TRMT13: variants seen among roughly 807,000 people sequenced by gnomAD.
TRMT13 encodes tRNA:m(4)X modification enzyme TRM13 homolog.
In TRMT13, 45 loss-of-function variants were observed where a neutral mutation model predicts 55.9. The ratio of observed to expected loss-of-function variants is 0.80; its 90% confidence interval spans 0.63 to 1.03. The LOEUF is 1.03. Among genes scored for constraint, TRMT13 ranks in the 50% least tolerant of loss-of-function variants. The pLI, the probability that TRMT13 is intolerant of heterozygous loss-of-function variation, is 0.00. For missense variants in TRMT13, 513 were observed against 563.9 expected, an observed-to-expected ratio of 0.91 and a Z score of 0.91; for synonymous variants, 183 against 196.3, an observed-to-expected ratio of 0.93 and a Z score of 0.57.
intron 4 of TRMT13, 53 bp downstream of exon 4, chr1:100,139,764 CATG>C (rs1656363134): frequency 8.8e-7 from 1 of 1,140,324 alleles, no homozygotes; most frequent in Non-Finnish European, 1.3e-6. Flanking sequence ...AAGCTCTCTT[CATG>C]ATGTGAATAA....
rs1229638018 is a variant in TRMT13 at position 100,140,251 on chromosome 1, G to A, written c.394G>A (p.Gly132Ser). ...LIKKLRKASE[G>S]LNSTLKDHIM... ...TAAGAAATTGAGAAAAGCAAGTGAA[G>A]GTAAGACTGCCTAAAGTTGCAAGTT... The change falls in exon 5 of 11, where the codon GGC becomes AGC. Residue 132 changes from glycine to serine, a missense_variant and splice_region_variant. Physicochemically the swap from Gly to Ser is moderately conservative, Grantham distance 56. This residue lies in a region of TRMT13 where 298 missense variants were observed against 290.3 expected (regional missense o/e 1.03). Coordinates refer to ENST00000370141, the MANE Select transcript of TRMT13 (RefSeq NM_019083.3). 2.5e-6 allele frequency: 4 copies of A among 1,612,324 alleles called. No homozygotes were observed. Among genetic ancestry groups the A allele is most frequent in the Middle Eastern group, 1.7e-4 (1 of 6,024 alleles).
intron 3 of TRMT13, among the ~76,000 whole-genome samples, chr1:100,137,800 C>T (rs895256167): frequency 1.3e-5 from 2 of 152,340 alleles, no homozygotes; most frequent in Admixed American, 6.5e-5. Flanking sequence ...TTCCAAATGC[C>T]TCCCAGTTGA....
chr1:100,150,334 AAGTT>A lies in TRMT13; in HGVS notation c.*1520_*1523del, dbSNP rs1657859991. The A allele has an allele frequency of 6.6e-6, 1 of 152,172 alleles. No individual in the cohort carries two copies. Among genetic ancestry groups the A allele is most frequent in the Non-Finnish European group, 1.5e-5 (1 of 68,020 alleles). 9.4% of individuals were successfully genotyped at this position (152,172 alleles called of 1,614,324 possible). ...TTATGTCAAGTAAGGTAGTTTGTTT[AAGTT>A]AGTTACCCATGTCCCCAATCAAGGG... On this transcript the variant is annotated 3_prime_UTR_variant, in exon 11 of 11. Transcript: ENST00000370141.
Position 100,148,153 on chromosome 1 carries a change from G to A in TRMT13, c.1077G>A (p.Val359=), listed in dbSNP as rs767890777. The change falls in exon 10 of 11, where the codon GTG becomes GTA. Residue 359 remains valine, a synonymous_variant. Coordinates refer to ENST00000370141, the MANE Select transcript of TRMT13 (RefSeq NM_019083.3). ...TCAGGGCTCTAGGCCTTGGAGCAGTGGAATTCCATTATTTCCAGCGAATGA... is the reference window on the plus strand; with the variant it reads ...TCAGGGCTCTAGGCCTTGGAGCAGTAGAATTCCATTATTTCCAGCGAATGA... ...EYFRALGLGA[V]EFHYFQRMSS... 3.1e-6 allele frequency: 5 copies of A among 1,614,160 alleles called. No homozygotes were observed. The South Asian group carries it at 4.4e-5, about 14-fold the overall frequency.
rs1020643666 is a variant in TRMT13 at position 100,140,195 on chromosome 1, C to T, written c.338C>T (p.Ser113Phe). The T allele has an allele frequency of 6.2e-7, 1 of 1,610,114 alleles. No homozygotes were observed. Among genetic ancestry groups the T allele is most frequent in the Non-Finnish European group, 8.5e-7 (1 of 1,178,034 alleles). Reference sequence around the variant, plus strand: ...TTTTGTATATAGGTTCCAATTTCTTCTCTATCTGAAGAGCAGTTGGAAAAG... The same window carrying T: ...TTTTGTATATAGGTTCCAATTTCTTTTCTATCTGAAGAGCAGTTGGAAAAG... ...EIPEQLVPIS[S>F]LSEEQLEKLI... The change falls in exon 5 of 11, where the codon TCT becomes TTT. Residue 113 changes from serine to phenylalanine, a missense_variant. Ser to Phe is a radical substitution (Grantham distance 155). This residue lies in a region of TRMT13 where 298 missense variants were observed against 290.3 expected (regional missense o/e 1.03). Transcript: ENST00000370141.
In TRMT13 at chr1:100,148,611, T is replaced by A; in HGVS notation, c.1251-14T>A. On this transcript the variant is annotated splice_polypyrimidine_tract_variant and intron_variant, in intron 10 of 10. Transcript: ENST00000370141. ...AAATTTTAACAATGTTTTGTGTGTG[T>A]TTATTCAATTTAGGCTTCTTAGTGT... The A allele has an allele frequency of 8.8e-6, 14 of 1,590,162 alleles. No individual in the cohort carries two copies. Among genetic ancestry groups the A allele is most frequent in the Non-Finnish European group, 1.1e-5 (13 of 1,173,210 alleles).
intron 7 of TRMT13, among the ~76,000 whole-genome samples, chr1:100,142,730 G>C (rs1194453361): frequency 6.6e-6 from 1 of 152,200 alleles, no homozygotes; most frequent in Non-Finnish European, 1.5e-5. Flanking sequence ...CACAAATGTA[G>C]ATCAGCCGGT....
At chr1:100,137,183 C>T in intron 3 of TRMT13, 98 bp downstream of exon 3, 2 of 1,033,574 alleles carry the variant, frequency 1.9e-6, no homozygotes, top group South Asian at 3.0e-5. Flanking sequence ...GCTGAGGAAC[C>T]CAAGCTCAGG....
intron 9 of TRMT13, 127 bp downstream of exon 9, chr1:100,144,270 A>C (rs1406671126): frequency 3.0e-6 from 2 of 672,698 alleles, no homozygotes; most frequent in Non-Finnish European, 5.1e-6. Context: ...TTTATAGAGC[A>C]CTGGCCCTGT....
intron 2 of TRMT13, 29 bp from the exon 3 acceptor site, chr1:100,136,990 A>G (rs940191126): frequency 6.2e-6 from 10 of 1,602,380 alleles, no homozygotes; most frequent in Non-Finnish European, 8.5e-6. Flanking sequence ...CACAAGTCTC[A>G]TTTGAAATAA....
At chr1:100,135,189 A>G (rs1047137348) in intron 1 of TRMT13, among the ~76,000 whole-genome samples, 3 of 152,202 alleles carry the variant, frequency 2.0e-5, no homozygotes, top group African/African-American at 7.2e-5. Flanking sequence ...CCAAAACGTC[A>G]ATAGTGCCAA....
intron 9 of TRMT13, among the ~76,000 whole-genome samples, chr1:100,147,027 T>C (rs1315194113): frequency 1.3e-5 from 2 of 152,182 alleles, no homozygotes; most frequent in African/African-American, 4.8e-5. Context: ...ATTTGTGATA[T>C]CTTAGGGTAA....
In TRMT13 at chr1:100,136,907, T is replaced by G. The variant is rs1221477052; in HGVS notation, c.173T>G (p.Leu58Arg). ...AEEEDARKRILCPLDPKHTVY... is the reference protein window; with the variant it reads ...AEEEDARKRIRCPLDPKHTVY... Reference sequence around the variant, plus strand: ...GAAGAAGATGCTCGGAAAAGAATCCTGTGTCCTTTAGATCCAAAACAGTAA... The same window carrying G: ...GAAGAAGATGCTCGGAAAAGAATCCGGTGTCCTTTAGATCCAAAACAGTAA... The change falls in exon 2 of 11, where the codon CTG (leucine) becomes CGG (arginine). Residue 58 changes from leucine (L) to arginine (R), a missense_variant. Transcript: ENST00000370141. The G allele has an allele frequency of 3.7e-6, 6 of 1,602,018 alleles. No homozygotes were observed. In the East Asian group the frequency reaches 1.3e-4, roughly 36 times the overall value.
chr1:100,144,218 G>T, intron 9 of TRMT13, 75 bp downstream of exon 9: 4 of 1,040,850 alleles, frequency 3.8e-6, no homozygotes, highest in Non-Finnish European at 6.0e-6. Context: ...CATTTCAGTG[G>T]TCTCTTTTGA....
At chr1:100,134,110 G>GACTTACAGTTTT (rs1488538009) in intron 1 of TRMT13, among the ~76,000 whole-genome samples, 1 of 152,094 alleles carries the variant, frequency 6.6e-6, no homozygotes, top group African/African-American at 2.4e-5. Flanking sequence ...CAGTTTTTAA[G>GACTTACAGTTTT]AATGCAACTT....
chr1:100,141,022 A>G lies in TRMT13; in HGVS notation c.669+3A>G. ...AAAAGGTGACCACAAGATTCAAGGT[A>G]AGTGAAACCATTGCTCTGTGTTAGT... On this transcript the variant is annotated splice_donor_region_variant and intron_variant, in intron 7 of 10. Coordinates refer to ENST00000370141, the MANE Select transcript of TRMT13 (RefSeq NM_019083.3). 1.9e-6 allele frequency: 3 copies of G among 1,609,612 alleles called. No individual in the cohort carries two copies. The highest frequency in any genetic ancestry group is 2.2e-5 in the South Asian group (2 of 90,482).
intron 1 of TRMT13, among the ~76,000 whole-genome samples, chr1:100,134,870 G>A (rs1202075884): frequency 6.6e-6 from 1 of 152,178 alleles, no homozygotes; most frequent in East Asian, 1.9e-4. Flanking sequence ...CACTTTTATT[G>A]ACTACTATCT....
chr1:100,150,114 A>G lies in TRMT13; in HGVS notation c.*1294A>G, dbSNP rs369741013. ...GATGATGATGATAACAATAATACCT[A>G]CCTCACAAGGTTGTTGTGAGCATCA... On this transcript the variant is annotated 3_prime_UTR_variant, in exon 11 of 11. Transcript: ENST00000370141. 30 of 152,446 alleles carry G rather than the reference A, an allele frequency of 2.0e-4. No individual in the cohort carries two copies. Among genetic ancestry groups the G allele is most frequent in the African/African-American group, 7.0e-4 (29 of 41,552 alleles). The allele number at this position is 152,446 out of a possible 1,614,324, so 9.4% of individuals were successfully genotyped here.
chr1:100,137,070 A>G lies in TRMT13; in HGVS notation c.246A>G (p.Arg82=), dbSNP rs147006400. 5 of 1,612,432 alleles carry G rather than the reference A, an allele frequency of 3.1e-6. No individual in the cohort carries two copies. The highest frequency in any genetic ancestry group is 4.2e-6 in the Non-Finnish European group (5 of 1,179,756). The change falls in exon 3 of 11, where the codon AGA becomes AGG. Residue 82 remains arginine, a synonymous_variant. Coordinates refer to ENST00000370141, the MANE Select transcript of TRMT13 (RefSeq NM_019083.3). ...AGCATTTGAAAAAATGTAACTCAAGAGAGAAACCAAAACCTGTAAGTGTTT... is the reference window on the plus strand; with the variant it reads ...AGCATTTGAAAAAATGTAACTCAAGGGAGAAACCAAAACCTGTAAGTGTTT... ...LAKHLKKCNS[R]EKPKPDFYIQ...
Sources: gnomAD v4.1 joint callset for allele counts (sites outside exome capture counted in the v4.1 genomes callset) on GRCh38, gnomAD v4.1.1 for gene constraint, gnomAD v4.1.1 regional missense constraint, MANE v1.5 for transcripts, NCBI Gene and HGNC (gene_info 2026-07-23, HGNC 2026-07-21) for gene names.